VCL: variants seen among roughly 807,000 people sequenced by gnomAD.
The protein encoded by VCL is epididymis luminal protein 114.
Under a neutral mutation model 125.7 loss-of-function variants are expected in VCL, and 47 were observed. That is an observed-to-expected ratio of 0.37 (90% CI 0.30 to 0.48). The LOEUF (loss-of-function observed/expected upper bound fraction) is 0.48, where lower values mean the gene tolerates loss of function less well. Among genes scored for constraint, VCL ranks in the 20% least tolerant of loss-of-function variants. The pLI, the probability that VCL is intolerant of heterozygous loss-of-function variation, is 0.99. For synonymous variants in VCL, 458 were observed against 514.6 expected, an observed-to-expected ratio of 0.89 and a Z score of 1.49; for missense variants, 1,069 against 1,455.5, an observed-to-expected ratio of 0.73 and a Z score of 4.32.
At chr10:74,011,780 A>G (rs1840441096) in intron 1 of VCL, among the ~76,000 whole-genome samples, 1 of 152,216 alleles carries the variant, frequency 6.6e-6, no homozygotes, top group African/African-American at 2.4e-5. Context: ...AGATTCCAAA[A>G]AATTCCATGT....
At chr10:74,002,658 C>A (rs1169917617) in intron 1 of VCL, among the ~76,000 whole-genome samples, 3 of 151,148 alleles carry the variant, frequency 2.0e-5, no homozygotes, top group African/African-American at 7.3e-5. Flanking sequence ...CCGAGGCGGG[C>A]TGATCACGAG....
At chr10:74,074,948 C>G (rs1839558784) in intron 6 of VCL, 45 bp downstream of exon 6, 2 of 1,612,130 alleles carry the variant, frequency 1.2e-6, no homozygotes, top group African/African-American at 1.3e-5. Flanking sequence ...CCAACTCTCC[C>G]TGGCTGGGGG....
In VCL at chr10:74,073,226, A is replaced by G. The variant is rs559267813; in HGVS notation, c.622+374A>G. On this transcript the variant is annotated intron_variant, in intron 5 of 21. Transcript: ENST00000211998. ...AGTGCTGGGATTACATGCGTGAGCC[A>G]TGGCTCCTGGCCTGAGGTTCATTTT... Among the ~76,000 whole-genome samples the G allele has an allele frequency of 1.2e-4, 18 of 152,346 alleles. No homozygotes were observed. In the East Asian group the frequency reaches 2.7e-3, roughly 23 times the overall value.
intron 21 of VCL, among the ~76,000 whole-genome samples, chr10:74,117,554 T>A (rs1840330065): frequency 1.3e-5 from 2 of 152,136 alleles, no homozygotes; most frequent in Non-Finnish European, 2.9e-5. Flanking sequence ...GCTCAAAGGC[T>A]GAGGCAGGAG....
At chr10:74,006,784 C>G (rs139445705) in intron 1 of VCL, among the ~76,000 whole-genome samples, 137 of 152,166 alleles carry the variant, frequency 9.0e-4, no homozygotes, top group African/African-American at 3.0e-3. Context: ...AACCTTTGGT[C>G]CTATCTCCAA....
chr10:74,025,704 AAGGG>A (rs982229003), intron 1 of VCL, among the ~76,000 whole-genome samples: 4 of 121,330 alleles, frequency 3.3e-5, no homozygotes, highest in South Asian at 3.1e-4. Flanking sequence ...GGGAGGAAGG[AAGGG>A]AGGGAGGGAG....
chr10:74,020,360 A>G (rs1401206152), intron 1 of VCL, among the ~76,000 whole-genome samples: 1 of 152,230 alleles, frequency 6.6e-6, no homozygotes, highest in Non-Finnish European at 1.5e-5. Flanking sequence ...TGGAAAAAGA[A>G]AAACTAAATA....
At chr10:74,038,172 T>G (rs1841022167) in intron 1 of VCL, among the ~76,000 whole-genome samples, 1 of 152,102 alleles carries the variant, frequency 6.6e-6, no homozygotes, top group Admixed American at 6.6e-5. Flanking sequence ...AATTTTTGTA[T>G]TTTTAGTAGA....
At chr10:74,005,677 C>A (rs1300100158) in intron 1 of VCL, among the ~76,000 whole-genome samples, 1 of 152,122 alleles carries the variant, frequency 6.6e-6, no homozygotes, top group Non-Finnish European at 1.5e-5. Context: ...GTTGCAGGAA[C>A]CCCCCTCGGA....
At chr10:74,017,554 TTTC>T (rs143307823) in intron 1 of VCL, among the ~76,000 whole-genome samples, 25,176 of 147,306 alleles carry the variant, frequency 0.17, 2,080 homozygotes, top group African/African-American at 0.2. Flanking sequence ...TCTTTCTTTC[TTTC>T]TTTTTTTTTT....
intron 1 of VCL, among the ~76,000 whole-genome samples, chr10:74,025,379 G>A (rs184407987): frequency 9.7e-4 from 148 of 151,980 alleles, no homozygotes; most frequent in Non-Finnish European, 1.6e-3. Flanking sequence ...TTTGGGAGGC[G>A]GAGGTGGGAG....
chr10:74,001,060 G>T (rs995958842), intron 1 of VCL, among the ~76,000 whole-genome samples: 1 of 152,206 alleles, frequency 6.6e-6, no homozygotes, highest in Non-Finnish European at 1.5e-5. Flanking sequence ...AAGTTAGTGC[G>T]TGACATATGG....
rs544349474 is a variant in VCL, at chr10:74,037,356, G to T, written c.169-5727G>T. Among the ~76,000 whole-genome samples, 23 of 152,290 alleles carry T rather than the reference G, an allele frequency of 1.5e-4. No homozygotes were observed. In the South Asian group the frequency reaches 4.8e-3, roughly 32 times the overall value. On this transcript the variant is annotated intron_variant, in intron 1 of 21. Coordinates refer to ENST00000211998, the MANE Select transcript of VCL (RefSeq NM_014000.3). ...GCTTAAAAATTAAAGATTTGTCTTTGGTTCTCCTAGACAGGCTTTGCCAGT... is the reference window on the plus strand; with the variant it reads ...GCTTAAAAATTAAAGATTTGTCTTTTGTTCTCCTAGACAGGCTTTGCCAGT...
At chr10:74,111,711 AGTGGCTTGGGCTGAGTG>A (rs1429216447) in intron 18 of VCL, among the ~76,000 whole-genome samples, 181 bp from the exon 19 acceptor site, 1 of 152,146 alleles carries the variant, frequency 6.6e-6, no homozygotes, top group Non-Finnish European at 1.5e-5. Context: ...CTCACCACAC[AGTGGCTTGGGCTGAGTG>A]GCGCTGGAGG....
chr10:74,102,940 C>T (rs1457977087), intron 14 of VCL, among the ~76,000 whole-genome samples: 3 of 151,822 alleles, frequency 2.0e-5, no homozygotes, highest in Non-Finnish European at 4.4e-5. Flanking sequence ...GATCTTGGCT[C>T]ACTGCAACCT....
chr10:74,046,240 C>T (rs1336350417), intron 2 of VCL, among the ~76,000 whole-genome samples: 1 of 152,114 alleles, frequency 6.6e-6, no homozygotes, highest in African/African-American at 2.4e-5. Flanking sequence ...GCCATCCGAT[C>T]AGCCTGGTAA....
In VCL at chr10:74,097,113, T is replaced by C. The variant is rs368055632; in HGVS notation, c.1744-91T>C. On this transcript the variant is annotated intron_variant, in intron 12 of 21. Coordinates refer to ENST00000211998, the MANE Select transcript of VCL (RefSeq NM_014000.3). This position sits in a 1 kb window ranked among gnomAD's most constrained non-coding sequence, Gnocchi z 4.1. The stretch of plus-strand genomic sequence containing the variant: ...AATATTTATTGAATGAAAGACTGAA[T>C]AGATGAATGAATGTCAGTGAAGTAA... 3 of 1,541,084 alleles carry C rather than the reference T, an allele frequency of 1.9e-6. No homozygotes were observed. The South Asian group carries it at 3.4e-5, about 17-fold the overall frequency.
chr10:74,034,002 G>A (rs1441552476), intron 1 of VCL, among the ~76,000 whole-genome samples: 1 of 152,162 alleles, frequency 6.6e-6, no homozygotes, highest in East Asian at 1.9e-4. Flanking sequence ...AAGACTGTAA[G>A]CTCCATGAGA....
intron 2 of VCL, among the ~76,000 whole-genome samples, chr10:74,067,778 A>G (rs186097308): frequency 1.7e-3 from 262 of 152,370 alleles, no homozygotes; most frequent in African/African-American, 6.0e-3. Context: ...TGTTTCCACA[A>G]TAGGCAAATC....
Sources: allele counts gnomAD v4.1 joint callset (sites outside exome capture counted in the v4.1 genomes callset), GRCh38; gene constraint gnomAD v4.1.1; non-coding constraint Gnocchi (gnomAD v3.1); transcripts MANE v1.5; gene names NCBI Gene and HGNC (gene_info 2026-07-23, HGNC 2026-07-21).